SLC37A1: variants seen among roughly 807,000 people sequenced by gnomAD.
The protein encoded by SLC37A1 is solute carrier family 37 member 1.
A neutral mutation model predicts 75.3 loss-of-function variants in SLC37A1; 49 were observed. That is an observed-to-expected ratio of 0.65 (90% CI 0.52 to 0.83). The LOEUF (loss-of-function observed/expected upper bound fraction) is 0.83, where lower values mean the gene tolerates loss of function less well. SLC37A1 is among the 40% of genes least tolerant of loss of function. SLC37A1 has a pLI of 0.00. For missense variants in SLC37A1, 566 were observed against 695.0 expected, an observed-to-expected ratio of 0.81 and a Z score of 2.09; for synonymous variants, 268 against 292.1, an observed-to-expected ratio of 0.92 and a Z score of 0.84.
rs762919882 is a variant in SLC37A1 at position 42,514,889 on chromosome 21, C to G, written c.-179+172C>G. On this transcript the variant is annotated intron_variant, in intron 1 of 19. Transcript: ENST00000352133. The surrounding 1 kb of genome is among the most constrained non-coding windows in gnomAD (Gnocchi z 4.8). ...CCTTAGCTCTTTGCCTGGAAGGTGCCTGCCTGCCTGCCTGCCGGCCCTTGA... is the reference window on the plus strand; with the variant it reads ...CCTTAGCTCTTTGCCTGGAAGGTGCGTGCCTGCCTGCCTGCCGGCCCTTGA... 1 of 152,370 alleles carries G rather than the reference C, an allele frequency of 6.6e-6. No homozygotes were observed. Among genetic ancestry groups the G allele is most frequent in the Non-Finnish European group, 1.5e-5 (1 of 68,154 alleles). The allele number at this position is 152,370 out of a possible 1,614,324, so 9.4% of individuals were successfully genotyped here.
intron 8 of SLC37A1, among the ~76,000 whole-genome samples, chr21:42,544,792 C>A (rs759084089): frequency 1.3e-5 from 2 of 152,190 alleles, no homozygotes; most frequent in Non-Finnish European, 2.9e-5. Context: ...TGTTTTCTTC[C>A]GCTCTGGTTC....
chr21:42,576,999 A>C (rs1360067283), intron 18 of SLC37A1, among the ~76,000 whole-genome samples: 1 of 152,236 alleles, frequency 6.6e-6, no homozygotes, highest in Non-Finnish European at 1.5e-5. Context: ...AAAATAGCTG[A>C]GAATTTTCCA....
chr21:42,505,459 T>C (rs976973038), intron 2 of SLC37A1, among the ~76,000 whole-genome samples: 1 of 152,166 alleles, frequency 6.6e-6, no homozygotes, highest in Non-Finnish European at 1.5e-5. Context: ...TAGGCAGGCT[T>C]TATCCCCAAC....
At chr21:42,550,098 C>A (rs757751381) in intron 9 of SLC37A1, among the ~76,000 whole-genome samples, 3 of 152,144 alleles carry the variant, frequency 2.0e-5, no homozygotes, top group Non-Finnish European at 4.4e-5. Context: ...TTATGTGAAA[C>A]AAAATGTACT....
intron 10 of SLC37A1, 105 bp downstream of exon 10, chr21:42,554,247 A>T: frequency 1.1e-6 from 1 of 950,460 alleles, no homozygotes; most frequent in Non-Finnish European, 1.6e-6. Flanking sequence ...ATGTGTCACA[A>T]ACATCCAGGT....
rs1390513697 is a variant in SLC37A1, at chr21:42,547,069, A to G, written c.731-34A>G. 1 of 1,614,086 alleles carries G rather than the reference A, an allele frequency of 6.2e-7. No individual in the cohort carries two copies. Among genetic ancestry groups the G allele is most frequent in the Admixed American group, 1.7e-5 (1 of 60,020 alleles). On this transcript the variant is annotated intron_variant, in intron 8 of 19. Coordinates refer to ENST00000352133, the MANE Select transcript of SLC37A1 (RefSeq NM_001320537.2). The surrounding 1 kb of genome is among the most constrained non-coding windows in gnomAD (Gnocchi z 6.1). The stretch of plus-strand genomic sequence containing the variant: ...TTACTTGGCATTGCCATGGTGGTGG[A>G]CCTGCTCAGCCTCACTCATGTTTGC...
intron 1 of SLC37A1, among the ~76,000 whole-genome samples, chr21:42,501,245 T>C (rs2054338540): frequency 6.6e-6 from 1 of 152,240 alleles, no homozygotes. Context: ...TTTCTTTTTC[T>C]TGTTTTTTTA....
chr21:42,573,734 GTCAGT>G (rs1980268970), intron 17 of SLC37A1, among the ~76,000 whole-genome samples: 1 of 151,908 alleles, frequency 6.6e-6, no homozygotes, highest in Non-Finnish European at 1.5e-5. Flanking sequence ...AGTTGAATAT[GTCAGT>G]TCATAGGTTG....
Position 42,507,141 on chromosome 21 carries a change from C to T in SLC37A1, c.-179+4724C>T, listed in dbSNP as rs148217594. Among the ~76,000 whole-genome samples, 16 of 152,250 alleles carry T rather than the reference C, an allele frequency of 1.1e-4. No individual in the cohort carries two copies. The East Asian group carries it at 2.3e-3, about 22-fold the overall frequency. On this transcript the variant is annotated intron_variant, in intron 2 of 20. Transcript: ENST00000398341. ...CAGGCAATCCACTTGCCTTGGCCTC[C>T]GAAAGTGCTGGGATTACAGTCATGA...
intron 19 of SLC37A1, 104 bp downstream of exon 19, chr21:42,579,904 C>T (rs1410312389): frequency 1.1e-5 from 12 of 1,081,840 alleles, no homozygotes; most frequent in Admixed American, 1.0e-4. Context: ...AAAGAAAACG[C>T]GTGGCTTATC....
chr21:42,571,378 T>C (rs2056160097), intron 17 of SLC37A1, among the ~76,000 whole-genome samples: 1 of 152,254 alleles, frequency 6.6e-6, no homozygotes, highest in African/African-American at 2.4e-5. Context: ...TCGCAGAGGT[T>C]GCCGTTTCTG....
chr21:42,551,619 C>T (rs1465973524), intron 9 of SLC37A1, among the ~76,000 whole-genome samples: 2 of 152,164 alleles, frequency 1.3e-5, no homozygotes, highest in Non-Finnish European at 2.9e-5. Flanking sequence ...AATGCTATTA[C>T]AAATTTTTAA....
At chr21:42,560,515 T>C (rs1314816034) in intron 11 of SLC37A1, 3 of 152,290 alleles carry the variant, frequency 2.0e-5, no homozygotes, top group Admixed American at 2.0e-4. Context: ...GCTGGAAGTA[T>C]AAACAATGCA....
rs2055458704 is a variant in SLC37A1, at chr21:42,548,048, C to G, written c.768+908C>G. ...CCTCCCTCTGGGGGTCAGCTCTCTT[C>G]CCTCCCTCTGGGAAAGGCTCCCCTA... On this transcript the variant is annotated intron_variant, in intron 9 of 19. Coordinates refer to ENST00000352133, the MANE Select transcript of SLC37A1 (RefSeq NM_001320537.2). The surrounding 1 kb of genome is among the most constrained non-coding windows in gnomAD (Gnocchi z 5.6). 6.6e-6 allele frequency among the ~76,000 whole-genome samples: 1 copy of G among 152,200 alleles called. No homozygotes were observed. The highest frequency in any genetic ancestry group is 1.5e-5 in the Non-Finnish European group (1 of 68,022).
At chr21:42,571,861 C>G (rs1016105080) in intron 17 of SLC37A1, among the ~76,000 whole-genome samples, 1 of 152,176 alleles carries the variant, frequency 6.6e-6, no homozygotes, top group Non-Finnish European at 1.5e-5. Flanking sequence ...GCACCGTGGT[C>G]GCCATCCTGC....
At chr21:42,543,022 C>A (rs993486023) in intron 7 of SLC37A1, among the ~76,000 whole-genome samples, 10 of 152,262 alleles carry the variant, frequency 6.6e-5, no homozygotes, top group African/African-American at 2.4e-4. Context: ...GGAACACCAG[C>A]GTCATCAGGT....
At chr21:42,528,909 A>T (rs2054870102) in intron 3 of SLC37A1, among the ~76,000 whole-genome samples, 1 of 152,230 alleles carries the variant, frequency 6.6e-6, no homozygotes, top group Non-Finnish European at 1.5e-5. Flanking sequence ...TATGGGTGGG[A>T]AACTTGTTAT....
At chr21:42,517,980 A>C (rs1031594252) in intron 1 of SLC37A1, among the ~76,000 whole-genome samples, 32 of 152,150 alleles carry the variant, frequency 2.1e-4, no homozygotes, top group African/African-American at 6.8e-4. Flanking sequence ...GAATGGGTTG[A>C]TCTCTAGATG....
chr21:42,527,169 G>A (rs2054817583), intron 3 of SLC37A1, among the ~76,000 whole-genome samples: 1 of 152,178 alleles, frequency 6.6e-6, no homozygotes, highest in South Asian at 2.1e-4. Context: ...GAACTGCCTT[G>A]AGTGCTACGT....
Sources: gnomAD v4.1 joint callset for allele counts (sites outside exome capture counted in the v4.1 genomes callset) on GRCh38, gnomAD v4.1.1 for gene constraint, Gnocchi (gnomAD v3.1) non-coding constraint, MANE v1.5 for transcripts, NCBI Gene and HGNC (gene_info 2026-07-23, HGNC 2026-07-21) for gene names.